Variants in BCL2 observed in about 807,000 individuals in gnomAD.
BCL2 encodes BCL2 apoptosis regulator.
In BCL2, 1 loss-of-function variant was observed where a neutral mutation model predicts 14.2. The observed-to-expected ratio is 0.07, with a 90% CI of 0.02 to 0.33. BCL2 has a LOEUF of 0.33. Among genes scored for constraint, BCL2 ranks in the 10% least tolerant of loss-of-function variants. The pLI, the probability that BCL2 is intolerant of heterozygous loss-of-function variation, is 0.99. For synonymous variants in BCL2, 151 were observed against 137.2 expected (o/e 1.10, Z -0.70); for missense variants, 247 against 305.9 (o/e 0.81, Z 1.44).
At chr18:63,290,008 G>A (rs933320698) in intron 2 of BCL2, among the ~76,000 whole-genome samples, 13 of 152,166 alleles carry the variant, frequency 8.5e-5, no homozygotes, top group Admixed American at 6.5e-4. Context: ...GAGTTAAGAA[G>A]GTGGTGGCAG....
intron 2 of BCL2, among the ~76,000 whole-genome samples, chr18:63,300,660 T>C (rs1477294069): frequency 6.6e-6 from 1 of 152,200 alleles, no homozygotes; most frequent in African/African-American, 2.4e-5. Flanking sequence ...CTGAACTCTT[T>C]GACTCTTCCT....
At chr18:63,224,466 T>G (rs764630991) in intron 2 of BCL2, among the ~76,000 whole-genome samples, 1 of 152,224 alleles carries the variant, frequency 6.6e-6, no homozygotes, top group African/African-American at 2.4e-5. Context: ...AGCTTTCTGA[T>G]AGCAACATTG....
chr18:63,189,497 C>T (rs889741221), intron 2 of BCL2, among the ~76,000 whole-genome samples: 3 of 152,040 alleles, frequency 2.0e-5, no homozygotes, highest in Admixed American at 6.6e-5. Flanking sequence ...GCTCCCCCAC[C>T]CCTAAAAGAA....
intron 2 of BCL2, among the ~76,000 whole-genome samples, chr18:63,218,264 C>G (rs1463500362): frequency 6.6e-6 from 1 of 152,138 alleles, no homozygotes; most frequent in Non-Finnish European, 1.5e-5. Context: ...TGAGTCCCCT[C>G]TTGGTGTGCC....
intron 2 of BCL2, among the ~76,000 whole-genome samples, chr18:63,297,770 T>C (rs903389165): frequency 5.9e-5 from 9 of 152,228 alleles, no homozygotes; most frequent in Admixed American, 5.9e-4. Context: ...GGAAAGCCGC[T>C]GCTCATAATG....
intron 2 of BCL2, among the ~76,000 whole-genome samples, chr18:63,199,182 TACACAGACACGCACAAC>T (rs1909606167): frequency 2.4e-5 from 3 of 123,512 alleles, no homozygotes; most frequent in South Asian, 2.5e-4. Context: ...CATAGACACA[TACACAGACACGCACAAC>T]ACACAGACAC....
At chr18:63,231,638 A>T (rs1296326581) in intron 2 of BCL2, among the ~76,000 whole-genome samples, 1 of 152,068 alleles carries the variant, frequency 6.6e-6, no homozygotes, top group African/African-American at 2.4e-5. Context: ...ATCTAAAGAA[A>T]GAGGTGCAAG....
At chr18:63,172,188 C>CA (rs150776329) in intron 2 of BCL2, among the ~76,000 whole-genome samples, 4,991 of 152,240 alleles carry the variant, frequency 0.033, 87 homozygotes, top group South Asian at 0.063. Context: ...TGAATGAACA[C>CA]AATCCTAATG....
chr18:63,152,318 T>C lies in BCL2; in HGVS notation c.586-23559A>G, dbSNP rs1016912839. 2.6e-5 allele frequency among the ~76,000 whole-genome samples: 4 copies of C among 152,354 alleles called. No individual in the cohort carries two copies. In the East Asian group the frequency reaches 7.7e-4, roughly 29 times the overall value. ...AGCCTGCTTCCTTGGGGCTGGTGTT[T>C]TGATGTGGTCATTATTTGCTCAGCA... On this transcript the variant is annotated intron_variant, in intron 2 of 2. Transcript: ENST00000333681.
intron 2 of BCL2, among the ~76,000 whole-genome samples, chr18:63,216,015 G>A (rs1910190288): frequency 3.9e-5 from 6 of 152,110 alleles, no homozygotes; most frequent in Admixed American, 3.9e-4. Flanking sequence ...AGGTTGTAAA[G>A]TTAATTTAGA....
chr18:63,227,231 A>T (rs1379642967), intron 2 of BCL2, among the ~76,000 whole-genome samples: 1 of 152,230 alleles, frequency 6.6e-6, no homozygotes, highest in Non-Finnish European at 1.5e-5. Flanking sequence ...ATTATTCAAG[A>T]CCAAGAGTGA....
chr18:63,199,936 GCACA>G (rs148477502), intron 2 of BCL2, among the ~76,000 whole-genome samples: 1 of 149,144 alleles, frequency 6.7e-6, no homozygotes, highest in Non-Finnish European at 1.5e-5. Flanking sequence ...GCGCACACAT[GCACA>G]CACACACACG....
intron 2 of BCL2, among the ~76,000 whole-genome samples, chr18:63,225,039 T>A (rs895519334): frequency 3.3e-5 from 5 of 151,762 alleles, no homozygotes; most frequent in Non-Finnish European, 5.9e-5. Context: ...AGCAGAGATA[T>A]CACCAAGAAA....
intron 2 of BCL2, chr18:63,315,636 T>C (rs908764532): frequency 4.6e-5 from 7 of 152,350 alleles, no homozygotes; most frequent in African/African-American, 1.7e-4. Context: ...GCTAGCTCTC[T>C]TCTGAAGCTT....
At chr18:63,146,488 C>G (rs555984006) in intron 2 of BCL2, among the ~76,000 whole-genome samples, 1 of 152,376 alleles carries the variant, frequency 6.6e-6, no homozygotes, top group East Asian at 1.9e-4. Context: ...ACGCTGGAGT[C>G]AGCCAGAGGC....
intron 2 of BCL2, among the ~76,000 whole-genome samples, chr18:63,179,906 T>C (rs1231628947): frequency 6.6e-6 from 1 of 152,228 alleles, no homozygotes; most frequent in Admixed American, 6.5e-5. Context: ...GTTGTAAGTG[T>C]CCTTATTCTC....
chr18:63,161,665 T>C (rs958848859), intron 2 of BCL2, among the ~76,000 whole-genome samples: 1 of 152,180 alleles, frequency 6.6e-6, no homozygotes, highest in Non-Finnish European at 1.5e-5. Flanking sequence ...TCTAGCTAGA[T>C]GGAAATGTAT....
At position 63,149,023 on chromosome 18, in the gene BCL2, G is replaced by C. The variant is rs986858242; in HGVS notation, c.586-20264C>G. On this transcript the variant is annotated intron_variant, in intron 2 of 2. Transcript: ENST00000333681. The surrounding 1 kb of genome is among the most constrained non-coding windows in gnomAD (Gnocchi z 4.2). ...ATGTAGCTATGACTCCCAGCTAAAC[G>C]GGCCTGCCCAGAGCCACGAAGTCAT... is the stretch of plus-strand genomic sequence containing the variant. Among the ~76,000 whole-genome samples, 12 of 152,256 alleles carry C rather than the reference G, an allele frequency of 7.9e-5. No individual in the cohort carries two copies. Among genetic ancestry groups the C allele is most frequent in the East Asian group, 5.8e-4 (3 of 5,188 alleles).
intron 2 of BCL2, among the ~76,000 whole-genome samples, chr18:63,278,854 A>G (rs1017255758): frequency 6.6e-6 from 1 of 152,208 alleles, no homozygotes; most frequent in African/African-American, 2.4e-5. Flanking sequence ...GACCAGTGGA[A>G]AAGAATAGAC....
Sources: gnomAD v4.1 joint callset for allele counts (sites outside exome capture counted in the v4.1 genomes callset) on GRCh38, gnomAD v4.1.1 for gene constraint, Gnocchi (gnomAD v3.1) non-coding constraint, MANE v1.5 for transcripts, NCBI Gene and HGNC (gene_info 2026-07-23, HGNC 2026-07-21) for gene names.